Variants in AFF3 observed in about 807,000 individuals in gnomAD.
AFF3 encodes ALF transcription elongation factor 3, also known as AF4/FMR2 family member 3.
In AFF3, 32 loss-of-function variants were observed where a neutral mutation model predicts 129.7. The ratio of observed to expected loss-of-function variants is 0.25; its 90% CI spans 0.19 to 0.33. The LOEUF (loss-of-function observed/expected upper bound fraction) is 0.33, where lower values mean the gene tolerates loss of function less well. Ranked by LOEUF, AFF3 falls within the 10% of genes least tolerant of loss-of-function variation. The pLI is 1.00. For missense variants in AFF3, 1,373 were observed against 1,592.0 expected, an observed-to-expected ratio of 0.86 and a Z score of 2.34; for synonymous variants, 644 against 635.4, an observed-to-expected ratio of 1.01 and a Z score of -0.20.
chr2:99,992,132 G>C (rs1576497021), intron 7 of AFF3, among the ~76,000 whole-genome samples: 1 of 151,922 alleles, frequency 6.6e-6, no homozygotes, highest in South Asian at 2.1e-4. Context: ...TTATTAAAAA[G>C]TAGGCATCCT....
intron 7 of AFF3, among the ~76,000 whole-genome samples, chr2:99,953,913 AG>A (rs1452626113): frequency 3.9e-5 from 6 of 152,202 alleles, no homozygotes; most frequent in African/African-American, 1.4e-4. Flanking sequence ...TGGTCCAAAG[AG>A]GGAGAGACTC....
chr2:100,118,304 A>G lies in AFF3; in HGVS notation c.-145+10920T>C, dbSNP rs2164713. 1.2e-4 allele frequency among the ~76,000 whole-genome samples: 19 copies of G among 152,336 alleles called. No individual in the cohort carries two copies. In the East Asian group the frequency reaches 3.3e-3, roughly 26 times the overall value. ...GACTTTCACAGGATGCCTGCAAACTATCCTGTGAATGGGCTAAGAGCACAA... is the reference window on the plus strand; with the variant it reads ...GACTTTCACAGGATGCCTGCAAACTGTCCTGTGAATGGGCTAAGAGCACAA... On this transcript the variant is annotated intron_variant, in intron 2 of 24. Transcript: ENST00000672756.
At chr2:100,041,078 C>A (rs1444070840) in intron 4 of AFF3, among the ~76,000 whole-genome samples, 1 of 152,228 alleles carries the variant, frequency 6.6e-6, no homozygotes, top group East Asian at 1.9e-4. Context: ...ATTGATGGCT[C>A]TACACAAACC....
chr2:99,899,791 G>A (rs1220395000), intron 7 of AFF3, among the ~76,000 whole-genome samples: 1 of 152,196 alleles, frequency 6.6e-6, no homozygotes, highest in Non-Finnish European at 1.5e-5. Context: ...AAGTCCTAAT[G>A]AAATAGAAAG....
chr2:99,593,336 C>A lies in AFF3; in HGVS notation c.2325G>T (p.Leu775=), dbSNP rs774326389. The change falls in exon 15 of 25, where the codon CTG becomes CTT. Residue 775 remains leucine, a synonymous_variant. Coordinates refer to ENST00000672756, the MANE Select transcript of AFF3 (RefSeq NM_001386135.1). ...SLWVKIDLTL[L]SRIPEHLPQE... The stretch of plus-strand genomic sequence containing the variant: ...GGGGCAGGTGTTCTGGGATCCTGGA[C>A]AGGAGGGTCAGGTCGATTTTGACCC... 2.5e-6 allele frequency: 4 copies of A among 1,614,054 alleles called. No individual in the cohort carries two copies. Among genetic ancestry groups the A allele is most frequent in the Non-Finnish European group, 3.4e-6 (4 of 1,179,980 alleles).
At chr2:99,971,075 CT>C (rs758929272) in intron 7 of AFF3, among the ~76,000 whole-genome samples, 1 of 152,208 alleles carries the variant, frequency 6.6e-6, no homozygotes, top group Non-Finnish European at 1.5e-5. Context: ...TACCAACCCC[CT>C]GACTCTAAAT....
At chr2:99,972,683 T>C (rs1055846579) in intron 7 of AFF3, among the ~76,000 whole-genome samples, 1 of 152,118 alleles carries the variant, frequency 6.6e-6, no homozygotes, top group African/African-American at 2.4e-5. Flanking sequence ...AGTCAGCAAA[T>C]GAATAAGATA....
intron 8 of AFF3, among the ~76,000 whole-genome samples, chr2:99,813,228 G>A (rs552153746): frequency 2.6e-5 from 4 of 152,108 alleles, no homozygotes; most frequent in Non-Finnish European, 5.9e-5. Flanking sequence ...GCTCACACGA[G>A]GTTTTTCTAA....
chr2:99,917,548 G>T (rs970558879), intron 7 of AFF3, among the ~76,000 whole-genome samples: 1 of 152,132 alleles, frequency 6.6e-6, no homozygotes, highest in Non-Finnish European at 1.5e-5. Flanking sequence ...TTCTAGGCTC[G>T]TCAAGGAAGG....
intron 7 of AFF3, among the ~76,000 whole-genome samples, chr2:99,932,429 G>C (rs1674111792): frequency 6.6e-6 from 1 of 152,116 alleles, no homozygotes; most frequent in Non-Finnish European, 1.5e-5. Flanking sequence ...AACAAGATTT[G>C]CACACAGAGC....
chr2:99,553,918 CAAAAAAAAAA>C (rs61326965), intron 24 of AFF3, among the ~76,000 whole-genome samples: 6 of 56,974 alleles, frequency 1.1e-4, no homozygotes, highest in African/African-American at 2.1e-4. Flanking sequence ...TGTCTCAAAC[CAAAAAAAAAA>C]AAAAAAAAAA....
chr2:99,991,851 C>T (rs990909823), intron 7 of AFF3, among the ~76,000 whole-genome samples: 1 of 150,686 alleles, frequency 6.6e-6, no homozygotes, highest in Non-Finnish European at 1.5e-5. Flanking sequence ...TGCAGGGAGC[C>T]GAGATTGCGA....
intron 13 of AFF3, among the ~76,000 whole-genome samples, chr2:99,636,925 C>T (rs1170920850): frequency 1.3e-5 from 2 of 152,144 alleles, no homozygotes; most frequent in Non-Finnish European, 2.9e-5. Flanking sequence ...GGTCACGGGG[C>T]GGCAGCCTGT....
chr2:99,869,691 C>T (rs190587578), intron 7 of AFF3, among the ~76,000 whole-genome samples: 13 of 152,256 alleles, frequency 8.5e-5, no homozygotes. Flanking sequence ...CCCTGGGCAC[C>T]CCAGCATAAG....
At chr2:99,778,614 T>C (rs771608964) in intron 8 of AFF3, among the ~76,000 whole-genome samples, 1 of 152,210 alleles carries the variant, frequency 6.6e-6, no homozygotes, top group African/African-American at 2.4e-5. Context: ...TTCCTATCCA[T>C]GAGCACAGAA....
At chr2:100,083,637 C>T (rs770976535) in intron 4 of AFF3, among the ~76,000 whole-genome samples, 1 of 152,194 alleles carries the variant, frequency 6.6e-6, no homozygotes, top group Non-Finnish European at 1.5e-5. Flanking sequence ...GCCACTTCCA[C>T]CCTCACGGAA....
intron 13 of AFF3, among the ~76,000 whole-genome samples, chr2:99,602,498 C>A (rs1679936769): frequency 6.6e-6 from 1 of 152,204 alleles, no homozygotes; most frequent in African/African-American, 2.4e-5. Context: ...AAATAGCATA[C>A]ATCCACCCAG....
intron 7 of AFF3, among the ~76,000 whole-genome samples, chr2:99,873,287 G>A (rs1166251402): frequency 2.0e-5 from 3 of 152,238 alleles, no homozygotes; most frequent in Non-Finnish European, 4.4e-5. Flanking sequence ...CAAAATGACT[G>A]CTAATAGCGT....
At chr2:99,815,039 T>G (rs990396933) in intron 8 of AFF3, among the ~76,000 whole-genome samples, 1 of 151,872 alleles carries the variant, frequency 6.6e-6, no homozygotes, top group Non-Finnish European at 1.5e-5. Flanking sequence ...AATGACACAT[T>G]TTTGTCACTA....
Sources: allele counts gnomAD v4.1 joint callset (sites outside exome capture counted in the v4.1 genomes callset), GRCh38; gene constraint gnomAD v4.1.1; transcripts MANE v1.5; gene names NCBI Gene and HGNC (gene_info 2026-07-23, HGNC 2026-07-21).